MBD3L1: variants seen among roughly 807,000 people sequenced by gnomAD.
The protein encoded by MBD3L1 is methyl-CpG binding domain protein 3 like 1.
For synonymous variants in MBD3L1, 84 were observed against 85.1 expected (o/e 0.99, Z 0.07); for missense variants, 203 against 230.1 (o/e 0.88, Z 0.76).
chr19:8,835,638 T>C (rs2044447435), intron 1 of MBD3L1, among the ~76,000 whole-genome samples: 1 of 152,160 alleles, frequency 6.6e-6, no homozygotes, highest in Non-Finnish European at 1.5e-5. Context: ...CAAAAAGTCA[T>C]AGAGTTGCCA....
chr19:8,842,568 G>T, intron 2 of MBD3L1, 90 bp from the exon 3 acceptor site: 1 of 907,460 alleles, frequency 1.1e-6, no homozygotes, highest in Middle Eastern at 3.4e-4. Context: ...GAGAGAGGAA[G>T]GATGAAAGTC....
Position 8,843,102 on chromosome 19 carries a change from C to T in MBD3L1, c.424C>T (p.Leu142Phe). ...TGCAGAGGGAGTGGGTATCTCGCAG[C>T]TCCTCTGCAAACAATTTCTGGTTAC... The part of the protein sequence containing the change: ...IPAEGVGISQ[L>F]LCKQFLVTEE... Residue 142 changes from leucine (L) to phenylalanine (F), a missense_variant, in exon 3 of 3, where the codon CTC becomes TTC. Transcript: ENST00000595891. The T allele has an allele frequency of 2.5e-6, 4 of 1,613,704 alleles. No homozygotes were observed. The highest frequency in any genetic ancestry group is 3.4e-6 in the Non-Finnish European group (4 of 1,179,816).
At chr19:8,835,420 T>A (rs2044445195) in intron 1 of MBD3L1, among the ~76,000 whole-genome samples, 2 of 152,122 alleles carry the variant, frequency 1.3e-5, no homozygotes, top group African/African-American at 4.8e-5. Context: ...AATATATACA[T>A]GAAAAGATGC....
intron 1 of MBD3L1, among the ~76,000 whole-genome samples, chr19:8,834,219 GA>G: frequency 6.6e-6 from 1 of 152,162 alleles, no homozygotes; most frequent in Middle Eastern, 3.2e-3. Flanking sequence ...AAGCAAAAAT[GA>G]ACAAGTTCAA....
At position 8,840,926 on chromosome 19, in the gene MBD3L1, C is replaced by T. The variant is rs1180490097; in HGVS notation, c.-95C>T. On this transcript the variant is annotated 5_prime_UTR_variant, in exon 2 of 3. The change creates a new upstream start codon in the 5' untranslated region. Transcript: ENST00000595891. ...TCTTTTTTCAGCAGTGATCATATGA[C>T]GGTGGTAGCCATGGCGTCACAGAGA... 6.6e-6 allele frequency: 1 copy of T among 151,762 alleles called. No homozygotes were observed. Among genetic ancestry groups the T allele is most frequent in the Non-Finnish European group, 1.5e-5 (1 of 67,980 alleles). The allele number at this position is 151,762 out of a possible 1,614,324, so 9.4% of individuals were successfully genotyped here.
At chr19:8,840,386 C>T (rs1003581298) in intron 1 of MBD3L1, among the ~76,000 whole-genome samples, 6 of 152,142 alleles carry the variant, frequency 3.9e-5, no homozygotes, top group African/African-American at 1.2e-4. Flanking sequence ...ACTGCAACCT[C>T]GACCTCCTGG....
chr19:8,840,989 T>C lies in MBD3L1; in HGVS notation c.-32T>C, dbSNP rs934551365. 6.6e-6 allele frequency: 1 copy of C among 151,514 alleles called. No individual in the cohort carries two copies. Among genetic ancestry groups the C allele is most frequent in the Non-Finnish European group, 1.5e-5 (1 of 67,910 alleles). 9.4% of individuals were successfully genotyped at this position (151,514 alleles called of 1,614,324 possible). A position where few individuals can be genotyped will look rare whatever the true frequency, so the allele number is the denominator to read the frequency against. On this transcript the variant is annotated 5_prime_UTR_variant, in exon 2 of 3. Coordinates refer to ENST00000595891, the MANE Select transcript of MBD3L1 (RefSeq NM_001393532.1). ...CAAGTTTGAAGTTTTACAAGGCAGGTGTGATAAGTGGTAAGGAATTTTGGA... is the reference window on the plus strand; with the variant it reads ...CAAGTTTGAAGTTTTACAAGGCAGGCGTGATAAGTGGTAAGGAATTTTGGA...
intron 1 of MBD3L1, among the ~76,000 whole-genome samples, chr19:8,837,389 C>T (rs1399159574): frequency 6.6e-6 from 1 of 152,156 alleles, no homozygotes. Context: ...TGTCAATGTA[C>T]ATTTAGTTAT....
At chr19:8,840,201 A>T (rs574903309) in intron 1 of MBD3L1, among the ~76,000 whole-genome samples, 28 of 151,696 alleles carry the variant, frequency 1.8e-4, no homozygotes, top group Non-Finnish European at 3.4e-4. Context: ...AAAAAAAAAC[A>T]AAAACAGATG....
chr19:8,838,255 A>AC, intron 1 of MBD3L1, among the ~76,000 whole-genome samples: 1 of 126,750 alleles, frequency 7.9e-6, no homozygotes, highest in Non-Finnish European at 1.7e-5. Flanking sequence ...TCCATCTCAA[A>AC]AAAAAAAAAA....
chr19:8,840,522 C>T (rs943629933), intron 1 of MBD3L1, among the ~76,000 whole-genome samples: 4 of 152,154 alleles, frequency 2.6e-5, no homozygotes, highest in African/African-American at 9.7e-5. Flanking sequence ...CCTGACTGGT[C>T]TCAAACTCCT....
rs564394582 is a variant in MBD3L1 at position 8,838,197 on chromosome 19, G to A, written c.-106-2718G>A. 4.7e-5 allele frequency among the ~76,000 whole-genome samples: 6 copies of A among 129,014 alleles called. No homozygotes were observed. The South Asian group carries it at 7.7e-4, about 17-fold the overall frequency. The allele number at this position is 129,014 out of a possible 152,430, so 84.6% of individuals were successfully genotyped here. A position where few individuals can be genotyped will look rare whatever the true frequency, so the allele number is the denominator to read the frequency against. ...CAGGAGGCAGAGGTTGCAGTGAGCCGAGATCGCATCACTGCACTGCACTCC... is the reference window on the plus strand; with the variant it reads ...CAGGAGGCAGAGGTTGCAGTGAGCCAAGATCGCATCACTGCACTGCACTCC... On this transcript the variant is annotated intron_variant, in intron 1 of 2. Transcript: ENST00000595891.
intron 2 of MBD3L1, among the ~76,000 whole-genome samples, chr19:8,842,033 A>C (rs964993632): frequency 3.3e-5 from 5 of 151,624 alleles, no homozygotes; most frequent in African/African-American, 1.2e-4. Context: ...ATGCATAAGA[A>C]TGGCAGGATT....
intron 1 of MBD3L1, among the ~76,000 whole-genome samples, chr19:8,840,220 G>T (rs557682931): frequency 1.3e-5 from 2 of 151,094 alleles, no homozygotes; most frequent in African/African-American, 2.4e-5. Flanking sequence ...TGATACAAAG[G>T]TTACATTGCA....
intron 2 of MBD3L1, among the ~76,000 whole-genome samples, chr19:8,841,208 T>C (rs540167528): frequency 1.3e-5 from 2 of 151,652 alleles, no homozygotes; most frequent in East Asian, 3.9e-4. Flanking sequence ...TTTTTTTTTT[T>C]TTTGGTAGAG....
In MBD3L1 at chr19:8,842,490, A is replaced by G. The variant is rs1363301514; in HGVS notation, c.-21-168A>G. On this transcript the variant is annotated intron_variant, in intron 2 of 2. Coordinates refer to ENST00000595891, the MANE Select transcript of MBD3L1 (RefSeq NM_001393532.1). Reference sequence around the variant, plus strand: ...ATGATGAAGGAGATTTTGACCTTGAACTTTCTGTGCTTGACTCAAATCTGC... The same window carrying G: ...ATGATGAAGGAGATTTTGACCTTGAGCTTTCTGTGCTTGACTCAAATCTGC... 5.3e-6 allele frequency: 3 copies of G among 569,502 alleles called. No individual in the cohort carries two copies. The African/African-American group carries it at 5.6e-5, about 11-fold the overall frequency. 35.3% of individuals were successfully genotyped at this position (569,502 alleles called of 1,614,324 possible).
At position 8,843,029 on chromosome 19, in the gene MBD3L1, C is replaced by A. The variant is rs1003209801; in HGVS notation, c.351C>A (p.Cys117Ter). 8 of 1,614,012 alleles carry A rather than the reference C, an allele frequency of 5.0e-6. No individual in the cohort carries two copies. The highest frequency in any genetic ancestry group is 6.8e-6 in the Non-Finnish European group (8 of 1,179,994). ...EDLASGLEHS[C>*]PMPHLACSSD... Reference sequence around the variant, plus strand: ...TTGCCAGTGGTCTGGAGCACTCCTGCCCCATGCCCCACCTTGCCTGCTCTT... The same window carrying A: ...TTGCCAGTGGTCTGGAGCACTCCTGACCCATGCCCCACCTTGCCTGCTCTT... The change falls in exon 3 of 3, where the codon TGC becomes TGA. Residue 117 changes from cysteine (C) to a stop codon, truncating the protein, a stop_gained. Coordinates refer to ENST00000595891, the MANE Select transcript of MBD3L1 (RefSeq NM_001393532.1). LOFTEE classifies it low-confidence loss of function (END_TRUNC).
At chr19:8,835,277 C>G (rs1336349519) in intron 1 of MBD3L1, among the ~76,000 whole-genome samples, 2 of 152,086 alleles carry the variant, frequency 1.3e-5, no homozygotes, top group African/African-American at 2.4e-5. Context: ...GTCTTGAACT[C>G]CTGACCTCAA....
At position 8,836,874 on chromosome 19, in the gene MBD3L1, CAT is replaced by C. The variant is rs759827674; in HGVS notation, c.-106-4040_-106-4039del. On this transcript the variant is annotated intron_variant, in intron 1 of 2. Transcript: ENST00000595891. ...GATAAATAATTGTAAAAATCTATGA[CAT>C]GTGGGCTCATATCATTATTACATAA... 7.9e-5 allele frequency among the ~76,000 whole-genome samples: 12 copies of C among 152,242 alleles called. 1 individual carries two copies. The highest frequency in any genetic ancestry group is 4.1e-4 in the South Asian group (2 of 4,822).
Sources: gnomAD v4.1 joint callset for allele counts (sites outside exome capture counted in the v4.1 genomes callset) on GRCh38, gnomAD v4.1.1 for gene constraint, MANE v1.5 for transcripts, NCBI Gene and HGNC (gene_info 2026-07-23, HGNC 2026-07-21) for gene names.